Variants in GRID2 observed in about 807,000 individuals in gnomAD.
The protein encoded by GRID2 is glutamate receptor ionotropic, delta-2.
In GRID2, 33 loss-of-function variants were observed where a neutral mutation model predicts 114.8. The ratio of observed to expected loss-of-function variants is 0.29; its 90% confidence interval spans 0.22 to 0.38. The LOEUF is 0.38. Among genes scored for constraint, GRID2 ranks in the 10% least tolerant of loss-of-function variants. The probability of loss-of-function intolerance (pLI) is 1.00; values close to 1 mark genes in which losing one functional copy is unlikely to be tolerated. For missense variants in GRID2, 1,184 were observed against 1,257.7 expected (o/e 0.94, Z 0.89); for synonymous variants, 505 against 449.9 (o/e 1.12, Z -1.55).
At chr4:92,589,461 A>C (rs761887620) in intron 1 of GRID2, among the ~76,000 whole-genome samples, 4 of 152,238 alleles carry the variant, frequency 2.6e-5, no homozygotes, top group Non-Finnish European at 4.4e-5. Context: ...CAAATAGTCA[A>C]TAAAAGTTAG....
At chr4:93,518,824 T>G (rs932792760) in intron 13 of GRID2, among the ~76,000 whole-genome samples, 2 of 152,052 alleles carry the variant, frequency 1.3e-5, no homozygotes, top group Admixed American at 1.3e-4. Context: ...GGTCAGCCAG[T>G]ACAAAGGCCC....
intron 2 of GRID2, among the ~76,000 whole-genome samples, chr4:92,662,330 C>T (rs542954136): frequency 6.0e-5 from 9 of 150,886 alleles, no homozygotes; most frequent in African/African-American, 1.2e-4. Flanking sequence ...ATTATGGTGG[C>T]GCTCCAAAAA....
At chr4:93,212,879 T>G (rs530754724) in intron 5 of GRID2, among the ~76,000 whole-genome samples, 3 of 152,014 alleles carry the variant, frequency 2.0e-5, no homozygotes, top group Non-Finnish European at 4.4e-5. Flanking sequence ...TTCAAGCGAT[T>G]GTCCTGCCTC....
intron 8 of GRID2, among the ~76,000 whole-genome samples, chr4:93,266,813 G>A (rs1324928104): frequency 6.6e-6 from 1 of 152,190 alleles, no homozygotes; most frequent in African/African-American, 2.4e-5. Context: ...GTAGTGTTGG[G>A]TTTTGGAGAT....
intron 11 of GRID2, among the ~76,000 whole-genome samples, chr4:93,483,685 A>G (rs2149449763): frequency 6.6e-6 from 1 of 152,158 alleles, no homozygotes; most frequent in African/African-American, 2.4e-5. Context: ...TACAGTAGCA[A>G]GGTTAATGTA....
chr4:92,816,347 T>TTTTACTA (rs1202357209), intron 2 of GRID2, among the ~76,000 whole-genome samples: 1 of 145,384 alleles, frequency 6.9e-6, no homozygotes, highest in Non-Finnish European at 1.5e-5. Flanking sequence ...AAAAAGTACA[T>TTTTACTA]TTTACTAAAG....
intron 1 of GRID2, among the ~76,000 whole-genome samples, chr4:92,360,592 G>C (rs1170369564): frequency 1.3e-5 from 2 of 152,014 alleles, no homozygotes; most frequent in African/African-American, 2.4e-5. Context: ...AGTGAAAGTA[G>C]AGTCACATTC....
At chr4:92,376,715 G>A (rs1393243295) in intron 1 of GRID2, among the ~76,000 whole-genome samples, 1 of 152,136 alleles carries the variant, frequency 6.6e-6, no homozygotes, top group Non-Finnish European at 1.5e-5. Flanking sequence ...CTGAAATCTA[G>A]GCAGAGGTTC....
chr4:92,573,284 T>C (rs1050644622), intron 1 of GRID2, among the ~76,000 whole-genome samples: 1 of 152,200 alleles, frequency 6.6e-6, no homozygotes, highest in African/African-American at 2.4e-5. Context: ...ATTTCAGTTT[T>C]CGAAGGGTTT....
chr4:93,741,184 T>TATATATATAC (rs1731364725), intron 14 of GRID2, among the ~76,000 whole-genome samples: 1 of 33,376 alleles, frequency 3.0e-5, no homozygotes, highest in East Asian at 3.8e-3. Context: ...CATATATATA[T>TATATATATAC]ATATATATAT....
At chr4:93,343,794 G>A (rs181007029) in intron 8 of GRID2, among the ~76,000 whole-genome samples, 130 of 152,086 alleles carry the variant, frequency 8.5e-4, no homozygotes, top group African/African-American at 2.5e-3. Context: ...GTGGCTAACC[G>A]TCAGATTTTA....
intron 1 of GRID2, among the ~76,000 whole-genome samples, chr4:92,320,719 C>A (rs1726269786): frequency 2.0e-5 from 3 of 152,152 alleles, no homozygotes; most frequent in Admixed American, 6.5e-5. Flanking sequence ...CTCAAGCGAT[C>A]CACCTGCCTC....
intron 1 of GRID2, among the ~76,000 whole-genome samples, chr4:92,445,739 A>G (rs1355700790): frequency 6.6e-6 from 1 of 152,174 alleles, no homozygotes; most frequent in Admixed American, 6.5e-5. Context: ...AACAAATTCT[A>G]TCTTAGGTAG....
At chr4:93,428,149 G>A (rs908537579) in intron 10 of GRID2, among the ~76,000 whole-genome samples, 10 of 152,032 alleles carry the variant, frequency 6.6e-5, no homozygotes, top group African/African-American at 2.4e-4. Context: ...GTATTTAGGG[G>A]TATTAGAAGA....
intron 13 of GRID2, among the ~76,000 whole-genome samples, chr4:93,612,267 C>T (rs370724214): frequency 0.14 from 21,332 of 147,734 alleles, 1,905 homozygotes; most frequent in Middle Eastern, 0.26. Context: ...CTTTATCCAA[C>T]TTGCCAGTCT....
At chr4:92,953,045 T>A (rs947549117) in intron 2 of GRID2, among the ~76,000 whole-genome samples, 1 of 152,188 alleles carries the variant, frequency 6.6e-6, no homozygotes, top group Non-Finnish European at 1.5e-5. Flanking sequence ...TCATAAGGCA[T>A]TCTCCCTGTG....
At chr4:92,581,969 T>C (rs1198519424) in intron 1 of GRID2, among the ~76,000 whole-genome samples, 1 of 152,000 alleles carries the variant, frequency 6.6e-6, no homozygotes, top group Non-Finnish European at 1.5e-5. Flanking sequence ...TGATTTCCTA[T>C]GTTTAAAATA....
chr4:92,470,490 A>C (rs1721981182), intron 1 of GRID2, among the ~76,000 whole-genome samples: 1 of 151,982 alleles, frequency 6.6e-6, no homozygotes, highest in Non-Finnish European at 1.5e-5. Flanking sequence ...TGAAAAAAAG[A>C]GGTAGAATTT....
At chr4:93,364,279 A>G (rs1228364881) in intron 8 of GRID2, among the ~76,000 whole-genome samples, 3 of 152,072 alleles carry the variant, frequency 2.0e-5, no homozygotes, top group Admixed American at 1.3e-4. Flanking sequence ...ATAACTTTGG[A>G]ATTAAAAAAT....
Sources: allele counts gnomAD v4.1 joint callset (sites outside exome capture counted in the v4.1 genomes callset), GRCh38; gene constraint gnomAD v4.1.1; transcripts MANE v1.5; gene names NCBI Gene and HGNC (gene_info 2026-07-23, HGNC 2026-07-21).